The following NKAIN3 variants were observed in gnomAD, a reference collection of about 807,000 sequenced individuals.
NKAIN3 encodes sodium/potassium-transporting ATPase subunit beta-1-interacting protein 3.
NKAIN3 carries 25 observed loss-of-function variants against 30.2 expected under a neutral mutation model. The ratio of observed to expected loss-of-function variants is 0.83; its 90% CI spans 0.60 to 1.16. The LOEUF is 1.16. Among genes scored for constraint, NKAIN3 ranks in the 50% most tolerant of loss-of-function variants. The pLI is 0.00. For synonymous variants in NKAIN3, 91 were observed against 89.6 expected (o/e 1.02, Z -0.09); for missense variants, 225 against 254.1 (o/e 0.89, Z 0.78).
chr8:62,770,072 A>G (rs924047330), intron 4 of NKAIN3, among the ~76,000 whole-genome samples: 1 of 152,218 alleles, frequency 6.6e-6, no homozygotes, highest in African/African-American at 2.4e-5. Context: ...TTATTATATT[A>G]TATGGCAAAA....
At chr8:62,991,056 A>C (rs1310701733) in intron 5 of NKAIN3, 2 of 152,290 alleles carry the variant, frequency 1.3e-5, no homozygotes, top group Non-Finnish European at 2.9e-5. Context: ...GATGCCTTCC[A>C]ATCTGAGAAA....
intron 1 of NKAIN3, among the ~76,000 whole-genome samples, chr8:62,497,371 T>C (rs760137671): frequency 5.9e-5 from 9 of 152,056 alleles, no homozygotes; most frequent in Non-Finnish European, 1.3e-4. Context: ...GAAACAATGA[T>C]ACTTGAAGCA....
intron 1 of NKAIN3, among the ~76,000 whole-genome samples, chr8:62,385,723 T>A (rs1458951750): frequency 6.6e-6 from 1 of 152,186 alleles, no homozygotes; most frequent in Non-Finnish European, 1.5e-5. Context: ...TCCTTGGAAC[T>A]ACTGATGTGT....
chr8:62,332,395 T>C (rs1049716630), intron 1 of NKAIN3, among the ~76,000 whole-genome samples: 1 of 152,134 alleles, frequency 6.6e-6, no homozygotes, highest in Non-Finnish European at 1.5e-5. Flanking sequence ...AATCTAAATT[T>C]CAAATCTTTG....
chr8:62,675,911 C>T (rs1190170870), intron 3 of NKAIN3, among the ~76,000 whole-genome samples: 1 of 152,144 alleles, frequency 6.6e-6, no homozygotes, highest in African/African-American at 2.4e-5. Flanking sequence ...ACATTGTTTT[C>T]TCTATTATCC....
chr8:62,634,337 T>A lies in NKAIN3; in HGVS notation c.273+44543T>A, dbSNP rs552868424. ...GTTACCAGCTCCTCTTCCATATCCCTCCCTAATTCCTGTTTTCCCACACAT... is the reference window on the plus strand; with the variant it reads ...GTTACCAGCTCCTCTTCCATATCCCACCCTAATTCCTGTTTTCCCACACAT... On this transcript the variant is annotated intron_variant, in intron 3 of 6. Transcript: ENST00000623646. Among the ~76,000 whole-genome samples, 9 of 152,170 alleles carry A rather than the reference T, an allele frequency of 5.9e-5. No individual in the cohort carries two copies. In the South Asian group the frequency reaches 1.9e-3, roughly 32 times the overall value.
intron 1 of NKAIN3, among the ~76,000 whole-genome samples, chr8:62,526,010 C>T (rs1354464323): frequency 6.6e-6 from 1 of 152,002 alleles, no homozygotes; most frequent in African/African-American, 2.4e-5. Flanking sequence ...TGGGTCATAC[C>T]CAGGTTTATG....
intron 4 of NKAIN3, among the ~76,000 whole-genome samples, chr8:62,869,970 C>G (rs999167999): frequency 6.6e-6 from 1 of 151,590 alleles, no homozygotes; most frequent in African/African-American, 2.4e-5. Flanking sequence ...CGGGGTTTCG[C>G]CGTGTTAGCC....
rs571463157 is a variant in NKAIN3 at position 62,948,085 on chromosome 8, A to G, written c.533-5817A>G. ...GGTTAAATAATTTGCCCACAGTTACACAACTAGTAAGTGTAGAGCTGGAAT... is the reference window on the plus strand; with the variant it reads ...GGTTAAATAATTTGCCCACAGTTACGCAACTAGTAAGTGTAGAGCTGGAAT... On this transcript the variant is annotated intron_variant, in intron 5 of 6. Coordinates refer to ENST00000623646, the MANE Select transcript of NKAIN3 (RefSeq NM_001304533.3). Among the ~76,000 whole-genome samples the G allele has an allele frequency of 6.8e-4, 104 of 152,324 alleles. 1 individual carries two copies. The highest frequency in any genetic ancestry group is 6.5e-4 in the Non-Finnish European group (44 of 68,022).
chr8:62,856,302 A>T, intron 4 of NKAIN3: 1 of 929,166 alleles, frequency 1.1e-6, no homozygotes. Flanking sequence ...ATGCCCAGAG[A>T]TCACTATATC....
intron 4 of NKAIN3, among the ~76,000 whole-genome samples, chr8:62,899,994 A>G (rs1433310284): frequency 6.6e-6 from 1 of 151,524 alleles, no homozygotes; most frequent in African/African-American, 2.4e-5. Flanking sequence ...CATCCATGTA[A>G]CCAAAACCAC....
intron 4 of NKAIN3, among the ~76,000 whole-genome samples, chr8:62,768,747 T>C (rs1816926016): frequency 6.6e-6 from 1 of 152,216 alleles, no homozygotes. Context: ...ATGTCACTAG[T>C]GTCTTTAAAG....
Position 62,610,144 on chromosome 8 carries a change from G to A in NKAIN3, c.273+20350G>A, listed in dbSNP as rs574326554. ...GTGGATCACCTGAGGTCAGGAGTTC[G>A]AGACCAGCCTGACCAACACAGCAAA... On this transcript the variant is annotated intron_variant, in intron 3 of 6. Transcript: ENST00000623646. 2.6e-5 allele frequency among the ~76,000 whole-genome samples: 4 copies of A among 152,036 alleles called. No homozygotes were observed. In the East Asian group the frequency reaches 5.8e-4, roughly 22 times the overall value.
rs1386509637 is a variant in NKAIN3 at position 62,919,935 on chromosome 8, TC to T, written c.532+1423del. Among the ~76,000 whole-genome samples the T allele has an allele frequency of 2.0e-5, 3 of 148,720 alleles. No homozygotes were observed. In the East Asian group the frequency reaches 6.5e-4, roughly 32 times the overall value. Reference sequence around the variant, plus strand: ...TTTTTTTTTTTTAATGCTAGATAAGTCAAAAAATTTCTGTCACTTGACAAGT... The same window carrying T: ...TTTTTTTTTTTTAATGCTAGATAAGTAAAAAATTTCTGTCACTTGACAAGT... On this transcript the variant is annotated intron_variant, in intron 5 of 6. Coordinates refer to ENST00000623646, the MANE Select transcript of NKAIN3 (RefSeq NM_001304533.3).
At chr8:62,671,360 C>T (rs944096742) in intron 3 of NKAIN3, among the ~76,000 whole-genome samples, 3 of 152,112 alleles carry the variant, frequency 2.0e-5, no homozygotes, top group Non-Finnish European at 2.9e-5. Flanking sequence ...AACATAAAAA[C>T]TTAGTGCCGA....
rs141772628 is a variant in NKAIN3 at position 62,599,433 on chromosome 8, C to T, written c.273+9639C>T. On this transcript the variant is annotated intron_variant, in intron 3 of 6. Transcript: ENST00000623646. ...AAATGAAGAAAGCCACAACAATAAT[C>T]GCACTGGGTTGTGGAAAGAATTAAA... Among the ~76,000 whole-genome samples, 569 of 152,150 alleles carry T rather than the reference C, an allele frequency of 3.7e-3. 5 individuals are homozygous for T. Among genetic ancestry groups the T allele is most frequent in the Admixed American group, 8.7e-3 (132 of 15,248 alleles).
Position 62,370,268 on chromosome 8 carries a change from T to C in NKAIN3, c.54+121141T>C, listed in dbSNP as rs1007579201. On this transcript the variant is annotated intron_variant, in intron 1 of 6. Transcript: ENST00000623646. ...ATAATTTCTTCCTGGCCACATTGACTACAAACCAGACCAGCAAACAAAAGA... is the reference window on the plus strand; with the variant it reads ...ATAATTTCTTCCTGGCCACATTGACCACAAACCAGACCAGCAAACAAAAGA... Among the ~76,000 whole-genome samples, 4 of 152,020 alleles carry C rather than the reference T, an allele frequency of 2.6e-5. No homozygotes were observed. The East Asian group carries it at 7.7e-4, about 29-fold the overall frequency.
intron 1 of NKAIN3, among the ~76,000 whole-genome samples, chr8:62,490,447 C>T (rs541324740): frequency 9.2e-5 from 14 of 152,268 alleles, no homozygotes; most frequent in Admixed American, 7.2e-4. Flanking sequence ...TAGCAATTTA[C>T]ATGGCTACCT....
At chr8:62,561,796 A>T (rs1809586916) in intron 1 of NKAIN3, among the ~76,000 whole-genome samples, 2 of 152,190 alleles carry the variant, frequency 1.3e-5, no homozygotes, top group South Asian at 4.1e-4. Context: ...ATTTGTAAAA[A>T]CATGAGTCTT....
Sources: gnomAD v4.1 joint callset for allele counts (sites outside exome capture counted in the v4.1 genomes callset) on GRCh38, gnomAD v4.1.1 for gene constraint, MANE v1.5 for transcripts, NCBI Gene and HGNC (gene_info 2026-07-23, HGNC 2026-07-21) for gene names.